Variants in ARGLU1 observed in about 807,000 individuals in gnomAD.
ARGLU1 encodes arginine and glutamate rich 1, also known as arginine and glutamate-rich protein 1.
Under a neutral mutation model 37.6 loss-of-function variants are expected in ARGLU1, and 9 were observed. That is an observed-to-expected ratio of 0.24 (90% CI 0.14 to 0.42). The LOEUF (loss-of-function observed/expected upper bound fraction) is 0.42, where lower values mean the gene tolerates loss of function less well. Among genes scored for constraint, ARGLU1 ranks in the 10% least tolerant of loss-of-function variants. The pLI is 1.00. For missense variants in ARGLU1, 211 were observed against 359.2 expected (o/e 0.59, Z 3.34); for synonymous variants, 166 against 138.5 (o/e 1.20, Z -1.39).
rs564623729 is a variant in ARGLU1 at position 106,568,010 on chromosome 13, A to C, written c.-91T>G. 5.4e-6 allele frequency: 8 copies of C among 1,482,972 alleles called. No individual in the cohort carries two copies. The East Asian group carries it at 1.8e-4, about 33-fold the overall frequency. The allele number at this position is 1,482,972 out of a possible 1,614,324, so 91.9% of individuals were successfully genotyped here. ...CCTTCGGACGCGGGCTGGCGGTTCT[A>C]CCGAGGCCGGAGGAAAGAAAGGTGT... is the stretch of plus-strand genomic sequence containing the variant. On this transcript the variant is annotated 5_prime_UTR_variant, in exon 1 of 4. Coordinates refer to ENST00000400198, the MANE Select transcript of ARGLU1 (RefSeq NM_018011.4).
At position 106,567,873 on chromosome 13, in the gene ARGLU1, T is replaced by G. The variant is rs760846320; in HGVS notation, c.47A>C (p.Lys16Thr). Residue 16 changes from lysine to threonine, a missense_variant, in exon 1 of 4, where the codon AAG becomes ACG. Coordinates refer to ENST00000400198, the MANE Select transcript of ARGLU1 (RefSeq NM_018011.4). The surrounding 1 kb of genome is among the most constrained non-coding windows in gnomAD (Gnocchi z 4.3). ...GCGCTTCTTGTTGTGCTTGCTGCTC[T>G]TGGTGTGCTTGGAGCGGGACGAGCT... is the stretch of plus-strand genomic sequence containing the variant. ...SRSSSRSKHT[K>T]SSKHNKKRSR... 1 of 1,612,478 alleles carries G rather than the reference T, an allele frequency of 6.2e-7. No homozygotes were observed. The highest frequency in any genetic ancestry group is 1.3e-5 in the African/African-American group (1 of 74,994).
In ARGLU1 at chr13:106,542,003, G is replaced by C. The variant is rs559893005; in HGVS notation, c.*1993C>G. 1.3e-5 allele frequency: 2 copies of C among 152,072 alleles called. No individual in the cohort carries two copies. The highest frequency in any genetic ancestry group is 2.9e-5 in the Non-Finnish European group (2 of 68,010). 9.4% of individuals were successfully genotyped at this position (152,072 alleles called of 1,614,324 possible). A position where few individuals can be genotyped will look rare whatever the true frequency, so the allele number is the denominator to read the frequency against. On this transcript the variant is annotated 3_prime_UTR_variant, in exon 4 of 4. Transcript: ENST00000400198. ...TCCTCTTTCCCATAGCCTGGCAGAG[G>C]AAAGTAGTTACCAAGCACAGGAACA...
chr13:106,563,368 G>A (rs1163135106), intron 1 of ARGLU1, among the ~76,000 whole-genome samples: 1 of 152,186 alleles, frequency 6.6e-6, no homozygotes, highest in Non-Finnish European at 1.5e-5. Flanking sequence ...ACTGGATGTT[G>A]CTGAGCTGTT....
rs1388235158 is a variant in ARGLU1, at chr13:106,557,972, T to G, written c.574-841A>C. ...ATGCATGGTCAGGAAATAAAATTCT[T>G]CAACTTATTTTTTCTTGGAGAATTT... On this transcript the variant is annotated intron_variant, in intron 2 of 3. Coordinates refer to ENST00000400198, the MANE Select transcript of ARGLU1 (RefSeq NM_018011.4). The surrounding 1 kb of genome is among the most constrained non-coding windows in gnomAD (Gnocchi z 5.0). 1 of 985,272 alleles carries G rather than the reference T, an allele frequency of 1.0e-6. No individual in the cohort carries two copies. Among genetic ancestry groups the G allele is most frequent in the African/African-American group, 1.7e-5 (1 of 57,224 alleles). The allele number at this position is 985,272 out of a possible 1,614,324, so 61.0% of individuals were successfully genotyped here.
chr13:106,567,505 C>G lies in ARGLU1; in HGVS notation c.347+68G>C, dbSNP rs1420234149. ...TCTCCCGGCCCGCACCGTCCCGCCCCGGCCCCACGCCCTCGCCCCGCGCCC... is the reference window on the plus strand; with the variant it reads ...TCTCCCGGCCCGCACCGTCCCGCCCGGGCCCCACGCCCTCGCCCCGCGCCC... On this transcript the variant is annotated intron_variant, in intron 1 of 3. Transcript: ENST00000400198. The surrounding 1 kb of genome is among the most constrained non-coding windows in gnomAD (Gnocchi z 4.3). 8.5e-7 allele frequency: 1 copy of G among 1,181,888 alleles called. No individual in the cohort carries two copies. Among genetic ancestry groups the G allele is most frequent in the Admixed American group, 1.9e-5 (1 of 52,510 alleles). The allele number at this position is 1,181,888 out of a possible 1,614,324, so 73.2% of individuals were successfully genotyped here.
rs759709253 is a variant in ARGLU1 at position 106,567,690 on chromosome 13, G to A, written c.230C>T (p.Ser77Phe). The change falls in exon 1 of 4, where the codon TCC becomes TTC. Residue 77 changes from serine to phenylalanine, a missense_variant. Transcript: ENST00000400198. The surrounding 1 kb of genome is among the most constrained non-coding windows in gnomAD (Gnocchi z 4.3). ...GAAGATGTCGATGCGGTCGGGCGGG[G>A]ACGAGGCGCGCTCCCGGTCCCGCTC... ...RRERDRERAS[S>F]PPDRIDIFGR... The A allele has an allele frequency of 7.4e-6, 12 of 1,612,838 alleles. No homozygotes were observed. Among genetic ancestry groups the A allele is most frequent in the African/African-American group, 2.7e-5 (2 of 74,754 alleles).
intron 3 of ARGLU1, among the ~76,000 whole-genome samples, chr13:106,546,561 T>G (rs899310323): frequency 2.6e-5 from 4 of 152,168 alleles, no homozygotes; most frequent in Non-Finnish European, 5.9e-5. Context: ...AATGAATTCA[T>G]ATGCCAATCA....
chr13:106,550,316 C>T (rs1337684252), intron 3 of ARGLU1, among the ~76,000 whole-genome samples: 1 of 152,140 alleles, frequency 6.6e-6, no homozygotes, highest in African/African-American at 2.4e-5. Context: ...TCCTACAAAC[C>T]CATCCTTCAC....
Position 106,557,206 on chromosome 13 carries a change from C to A in ARGLU1, c.574-75G>T. The A allele has an allele frequency of 3.8e-6, 5 of 1,323,690 alleles. No individual in the cohort carries two copies. The South Asian group carries it at 6.1e-5, about 16-fold the overall frequency. 82.0% of individuals were successfully genotyped at this position (1,323,690 alleles called of 1,614,324 possible). A position where few individuals can be genotyped will look rare whatever the true frequency, so the allele number is the denominator to read the frequency against. On this transcript the variant is annotated intron_variant, in intron 2 of 3. Transcript: ENST00000400198. This position sits in a 1 kb window ranked among gnomAD's most constrained non-coding sequence, Gnocchi z 5.0. ...TATTGATAAATATTTACTAATCTTC[C>A]TCTGAACTTTTTTGATATGACTTAC...
chr13:106,556,436 T>A (rs2138971079), intron 3 of ARGLU1, among the ~76,000 whole-genome samples: 1 of 152,298 alleles, frequency 6.6e-6, no homozygotes, highest in Non-Finnish European at 1.5e-5. Flanking sequence ...TCATCCCTAC[T>A]CTCAATGGGA....
chr13:106,547,205 G>C (rs941079799), intron 3 of ARGLU1, among the ~76,000 whole-genome samples: 3 of 152,098 alleles, frequency 2.0e-5, no homozygotes, highest in African/African-American at 4.8e-5. Flanking sequence ...AGAACCCTGA[G>C]CCAAATATTT....
rs1357592576 is a variant in ARGLU1, at chr13:106,543,013, TATTAA to T, written c.*978_*982del. On this transcript the variant is annotated 3_prime_UTR_variant, in exon 4 of 4. Coordinates refer to ENST00000400198, the MANE Select transcript of ARGLU1 (RefSeq NM_018011.4). ...AATTTAAAAGCATTTTTCTAGCCTT[TATTAA>T]GTATACTTTGTGATAATACTTATAT... 2 of 152,040 alleles carry T rather than the reference TATTAA, an allele frequency of 1.3e-5. No homozygotes were observed. The highest frequency in any genetic ancestry group is 2.9e-5 in the Non-Finnish European group (2 of 67,930). The allele number at this position is 152,040 out of a possible 1,614,324, so 9.4% of individuals were successfully genotyped here.
chr13:106,559,269 C>G, intron 2 of ARGLU1, 163 bp downstream of exon 2: 2 of 1,535,088 alleles, frequency 1.3e-6, no homozygotes, highest in South Asian at 1.2e-5. Flanking sequence ...GTCAGCACTT[C>G]TGAATAGGCT....
In ARGLU1 at chr13:106,559,537, T is replaced by C; in HGVS notation, c.468A>G (p.Glu156=). The change falls in exon 2 of 4, where the codon GAA becomes GAG. Residue 156 remains glutamate (E), a synonymous_variant. Coordinates refer to ENST00000400198, the MANE Select transcript of ARGLU1 (RefSeq NM_018011.4). ...TGGCTTCCTCCACCCTTCGGAGAAC[T>C]TCTCGTTCAATTTCATCCTTCCTTT... ...LEKRKDEIER[E]VLRRVEEAKR... 1.2e-6 allele frequency: 2 copies of C among 1,614,200 alleles called. No homozygotes were observed. The highest frequency in any genetic ancestry group is 1.7e-6 in the Non-Finnish European group (2 of 1,180,024).
rs1211582170 is a variant in ARGLU1 at position 106,567,681 on chromosome 13, T to C, written c.239A>G (p.Asp80Gly). 2 of 1,587,750 alleles carry C rather than the reference T, an allele frequency of 1.3e-6. No individual in the cohort carries two copies. The highest frequency in any genetic ancestry group is 1.7e-6 in the Non-Finnish European group (2 of 1,166,138). ...RDRERASSPPDRIDIFGRTVS... is the reference protein window; with the variant it reads ...RDRERASSPPGRIDIFGRTVS... Reference sequence around the variant, plus strand: ...CGTGCGCCCGAAGATGTCGATGCGGTCGGGCGGGGACGAGGCGCGCTCCCG... The same window carrying C: ...CGTGCGCCCGAAGATGTCGATGCGGCCGGGCGGGGACGAGGCGCGCTCCCG... Residue 80 changes from aspartate to glycine, a missense_variant, in exon 1 of 4, where the codon GAC becomes GGC. Asp to Gly is a moderately conservative substitution (Grantham distance 94). Transcript: ENST00000400198. This position sits in a 1 kb window ranked among gnomAD's most constrained non-coding sequence, Gnocchi z 4.3.
At chr13:106,558,146 C>G in intron 2 of ARGLU1, 1 of 984,312 alleles carries the variant, frequency 1.0e-6, no homozygotes, top group Non-Finnish European at 1.2e-6. Flanking sequence ...TAATATGAAA[C>G]AAAAAAAGCA....
chr13:106,567,594 T>C lies in ARGLU1; in HGVS notation c.326A>G (p.Glu109Gly). ...QKREEEEKKA[E>G]FERQRKIRQQ... ...TCACATTTTTCGCTGCCGCTCGAAC[T>C]CCGCTTTCTTCTCCTCCTCCTCTCG... The change falls in exon 1 of 4, where the codon GAG (glutamate) becomes GGG (glycine). Residue 109 changes from glutamate to glycine, a missense_variant. Physicochemically the swap from Glu to Gly is moderately conservative, Grantham distance 98 (BLOSUM62 -2). This residue lies in a region of ARGLU1 where 130 missense variants were observed against 179.8 expected (regional missense o/e 0.72). Coordinates refer to ENST00000400198, the MANE Select transcript of ARGLU1 (RefSeq NM_018011.4). This position sits in a 1 kb window ranked among gnomAD's most constrained non-coding sequence, Gnocchi z 4.3. The C allele has an allele frequency of 6.2e-7, 1 of 1,612,660 alleles. No homozygotes were observed. Among genetic ancestry groups the C allele is most frequent in the Non-Finnish European group, 8.5e-7 (1 of 1,179,070 alleles).
Position 106,567,752 on chromosome 13 carries a change from G to A in ARGLU1, c.168C>T (p.Ser56=), listed in dbSNP as rs559749419. The A allele has an allele frequency of 3.1e-6, 5 of 1,608,804 alleles. No individual in the cohort carries two copies. The African/African-American group carries it at 5.4e-5, about 17-fold the overall frequency. ...SKRNRRRESR[S]RSRSTNTAVS... ...CGGCCGTGTTGGTGGAGCGCGAACG[G>A]GACCGCGACTCCCGCCGCCGGTTCC... Residue 56 remains serine (S), a synonymous_variant, in exon 1 of 4, where the codon TCC becomes TCT. Coordinates refer to ENST00000400198, the MANE Select transcript of ARGLU1 (RefSeq NM_018011.4). The surrounding 1 kb of genome is among the most constrained non-coding windows in gnomAD (Gnocchi z 4.3).
intron 3 of ARGLU1, among the ~76,000 whole-genome samples, chr13:106,555,809 G>C (rs1880648500): frequency 6.6e-6 from 1 of 152,146 alleles, no homozygotes; most frequent in Non-Finnish European, 1.5e-5. Context: ...GGCACACCAA[G>C]CTTCCAGGCC....
Sources: gnomAD v4.1 joint callset for allele counts (sites outside exome capture counted in the v4.1 genomes callset) on GRCh38, gnomAD v4.1.1 for gene constraint, gnomAD v4.1.1 regional missense constraint, Gnocchi (gnomAD v3.1) non-coding constraint, MANE v1.5 for transcripts, NCBI Gene and HGNC (gene_info 2026-07-23, HGNC 2026-07-21) for gene names.